Variants in RBFOX1 observed in about 807,000 individuals in gnomAD.
RBFOX1 encodes RNA binding fox-1 homolog 1.
Under a neutral mutation model 57.7 loss-of-function variants are expected in RBFOX1, and 8 were observed. That is an observed-to-expected ratio of 0.14 (90% CI 0.08 to 0.25). RBFOX1 has a LOEUF of 0.25. Ranked by LOEUF, RBFOX1 falls within the 10% of genes least tolerant of loss-of-function variation. The pLI, the probability that RBFOX1 is intolerant of heterozygous loss-of-function variation, is 1.00. For missense variants in RBFOX1, 611 were observed against 548.5 expected (o/e 1.11, Z -1.14); for synonymous variants, 326 against 222.4 (o/e 1.47, Z -4.15).
chr16:7,698,423 C>G (rs754200416), intron 14 of RBFOX1, among the ~76,000 whole-genome samples: 8 of 152,094 alleles, frequency 5.3e-5, no homozygotes, highest in Non-Finnish European at 7.3e-5. Context: ...GCTGTTGAAA[C>G]TGTTCTCTGT....
At chr16:5,437,308 C>T (rs1161259436) in intron 1 of RBFOX1, among the ~76,000 whole-genome samples, 4 of 152,124 alleles carry the variant, frequency 2.6e-5, no homozygotes, top group African/African-American at 9.7e-5. Context: ...AGCAAACCAG[C>T]TTTTGTTTTT....
At chr16:5,352,812 A>C (rs2065292065) in intron 1 of RBFOX1, among the ~76,000 whole-genome samples, 1 of 152,020 alleles carries the variant, frequency 6.6e-6, no homozygotes, top group Non-Finnish European at 1.5e-5. Flanking sequence ...GCATGGTGGC[A>C]TGCACCTGTA....
intron 1 of RBFOX1, among the ~76,000 whole-genome samples, chr16:6,243,694 G>C (rs1421777169): frequency 1.3e-5 from 2 of 152,142 alleles, no homozygotes; most frequent in Admixed American, 6.5e-5. Context: ...GCATGGCTTG[G>C]GGATGAGAAC....
intron 1 of RBFOX1, among the ~76,000 whole-genome samples, chr16:5,363,329 G>A (rs2065608821): frequency 6.6e-6 from 1 of 152,048 alleles, no homozygotes; most frequent in Admixed American, 6.6e-5. Flanking sequence ...ACAGGCATAA[G>A]CCACCGTGTC....
intron 2 of RBFOX1, among the ~76,000 whole-genome samples, chr16:6,591,875 A>G (rs986849876): frequency 2.0e-5 from 3 of 152,322 alleles, no homozygotes; most frequent in Admixed American, 6.5e-5. Context: ...TTGGGAAAAG[A>G]CATGAGAAAA....
intron 3 of RBFOX1, among the ~76,000 whole-genome samples, chr16:6,874,657 A>G (rs1156241177): frequency 6.6e-6 from 1 of 152,052 alleles, no homozygotes; most frequent in Non-Finnish European, 1.5e-5. Context: ...ATGGTTTTCC[A>G]TTCCCGAGTT....
intron 3 of RBFOX1, among the ~76,000 whole-genome samples, chr16:6,719,777 T>C (rs914258528): frequency 3.9e-5 from 6 of 152,008 alleles, no homozygotes; most frequent in African/African-American, 1.4e-4. Flanking sequence ...GCCAAATTCT[T>C]CTGGTTATTG....
intron 2 of RBFOX1, among the ~76,000 whole-genome samples, chr16:5,553,382 C>T (rs1444598181): frequency 1.3e-5 from 2 of 151,200 alleles, no homozygotes; most frequent in Non-Finnish European, 2.9e-5. Flanking sequence ...GTGGCACAAT[C>T]TCAGCTCACT....
chr16:5,665,995 C>G (rs534384307), intron 3 of RBFOX1, among the ~76,000 whole-genome samples: 2 of 152,206 alleles, frequency 1.3e-5, no homozygotes, highest in African/African-American at 4.8e-5. Flanking sequence ...AGGCCCCAGC[C>G]GTCAAAACTG....
chr16:7,383,363 A>G (rs2097818449), intron 4 of RBFOX1, among the ~76,000 whole-genome samples: 1 of 152,100 alleles, frequency 6.6e-6, no homozygotes, highest in Non-Finnish European at 1.5e-5. Flanking sequence ...AGTGGAGGCA[A>G]AAACAAAAAA....
chr16:7,034,119 G>A (rs1443157431), intron 3 of RBFOX1, among the ~76,000 whole-genome samples: 1 of 152,202 alleles, frequency 6.6e-6, no homozygotes, highest in Non-Finnish European at 1.5e-5. Context: ...CATCCCTGGA[G>A]CAACAGGACG....
At chr16:6,595,189 C>G (rs1355991812) in intron 2 of RBFOX1, among the ~76,000 whole-genome samples, 1 of 152,156 alleles carries the variant, frequency 6.6e-6, no homozygotes, top group Admixed American at 6.5e-5. Context: ...GACACGTTGT[C>G]CCCATTAGTA....
intron 3 of RBFOX1, chr16:6,703,825 T>C (rs8044118): frequency 0.98 from 149,705 of 152,480 alleles, 73,547 homozygotes; most frequent in Middle Eastern, 1. Flanking sequence ...TCTGGGTGGC[T>C]TCCCCTCTCT....
At chr16:6,136,731 C>T (rs1284552610) in intron 1 of RBFOX1, among the ~76,000 whole-genome samples, 2 of 152,146 alleles carry the variant, frequency 1.3e-5, no homozygotes, top group Non-Finnish European at 2.9e-5. Context: ...CTACAGCCCC[C>T]CAAAATACCT....
intron 2 of RBFOX1, among the ~76,000 whole-genome samples, chr16:6,382,239 C>G (rs1395352295): frequency 6.6e-6 from 1 of 152,206 alleles, no homozygotes; most frequent in Admixed American, 6.5e-5. Context: ...CATACAAAGA[C>G]AGGCAGTGGG....
intron 5 of RBFOX1, among the ~76,000 whole-genome samples, chr16:7,569,146 G>T (rs2092486100): frequency 6.6e-6 from 1 of 152,108 alleles, no homozygotes; most frequent in African/African-American, 2.4e-5. Context: ...TGATGAAAAT[G>T]TTCTATACCT....
At chr16:5,997,391 T>G (rs1242891593) in intron 4 of RBFOX1, among the ~76,000 whole-genome samples, 2 of 152,200 alleles carry the variant, frequency 1.3e-5, no homozygotes, top group East Asian at 3.9e-4. Flanking sequence ...CATCATGAAT[T>G]TGTAGCTACA....
intron 4 of RBFOX1, among the ~76,000 whole-genome samples, chr16:7,281,155 A>G (rs1448831166): frequency 1.3e-5 from 2 of 151,824 alleles, no homozygotes; most frequent in Non-Finnish European, 2.9e-5. Context: ...GGTGTGTGCC[A>G]CCACACCTGG....
At chr16:6,727,896 T>G (rs906455498) in intron 3 of RBFOX1, among the ~76,000 whole-genome samples, 1 of 152,210 alleles carries the variant, frequency 6.6e-6, no homozygotes, top group Non-Finnish European at 1.5e-5. Context: ...TGATTCCATT[T>G]TGAAATCATA....
Sources: allele counts gnomAD v4.1 joint callset (sites outside exome capture counted in the v4.1 genomes callset), GRCh38; gene constraint gnomAD v4.1.1; transcripts MANE v1.5; gene names NCBI Gene and HGNC (gene_info 2026-07-23, HGNC 2026-07-21).